IFT122: variants seen among roughly 807,000 people sequenced by gnomAD.
The protein encoded by IFT122 is intraflagellar transport protein 122 homolog.
Under a neutral mutation model 161.6 loss-of-function variants are expected in IFT122, and 118 were observed. The ratio of observed to expected loss-of-function variants is 0.73; its 90% CI spans 0.63 to 0.85. The LOEUF is 0.85. Among genes scored for constraint, IFT122 ranks in the 40% least tolerant of loss-of-function variants. The pLI, the probability that IFT122 is intolerant of heterozygous loss-of-function variation, is 0.00. For missense variants in IFT122, 1,381 were observed against 1,579.6 expected (o/e 0.87, Z 2.13); for synonymous variants, 550 against 602.4 (o/e 0.91, Z 1.27).
At chr3:129,464,822 A>T in intron 7 of IFT122, 41 bp downstream of exon 7, 1 of 1,609,986 alleles carries the variant, frequency 6.2e-7, no homozygotes, top group South Asian at 1.1e-5. Context: ...AAACACCATC[A>T]TGAAGAAGGG....
At chr3:129,468,644 G>A (rs756718708) in intron 8 of IFT122, among the ~76,000 whole-genome samples, 17 of 152,166 alleles carry the variant, frequency 1.1e-4, no homozygotes, top group Non-Finnish European at 2.5e-4. Context: ...ACGGGCTGCC[G>A]CTTTTCTCTT....
chr3:129,461,375 C>A, intron 5 of IFT122, 71 bp downstream of exon 5: 1 of 1,078,860 alleles, frequency 9.3e-7, no homozygotes, highest in Non-Finnish European at 1.4e-6. Context: ...AAAATGCATT[C>A]AGAATATGGT....
intron 23 of IFT122, among the ~76,000 whole-genome samples, chr3:129,508,807 G>A (rs1394135956): frequency 8.1e-6 from 1 of 123,604 alleles, no homozygotes; most frequent in Non-Finnish European, 1.5e-5. Flanking sequence ...GGTGAATATT[G>A]CGATGAGGCA....
At chr3:129,486,688 A>T (rs2079324153) in intron 15 of IFT122, among the ~76,000 whole-genome samples, 1 of 152,168 alleles carries the variant, frequency 6.6e-6, no homozygotes, top group East Asian at 1.9e-4. Flanking sequence ...GATGGTGAGG[A>T]GCTGGTGCTG....
intron 21 of IFT122, among the ~76,000 whole-genome samples, chr3:129,505,033 T>A (rs1474224491): frequency 6.6e-6 from 1 of 152,152 alleles, no homozygotes; most frequent in Non-Finnish European, 1.5e-5. Flanking sequence ...GAAATAGGAG[T>A]TAAAGCAAGT....
chr3:129,484,002 A>G (rs1035282783), intron 15 of IFT122: 3 of 420,880 alleles, frequency 7.1e-6, no homozygotes, highest in Non-Finnish European at 1.3e-5. Flanking sequence ...TGGAGTGAGC[A>G]GCAAAGCCGG....
At chr3:129,504,953 A>G (rs2082035412) in intron 21 of IFT122, among the ~76,000 whole-genome samples, 1 of 152,220 alleles carries the variant, frequency 6.6e-6, no homozygotes, top group African/African-American at 2.4e-5. Context: ...TGGCTCAGAT[A>G]AACGGGTGAC....
In IFT122 at chr3:129,520,456, T is replaced by C; in HGVS notation, c.*191T>C. ...ATGCCTTGTAAATAGCACCAGGAGA[T>C]GAGGAAGAGAATGTACATATATTTT... On this transcript the variant is annotated 3_prime_UTR_variant, in exon 30 of 30. Transcript: ENST00000348417. The C allele has an allele frequency of 3.1e-6, 2 of 652,634 alleles. No homozygotes were observed. The highest frequency in any genetic ancestry group is 2.7e-5 in the East Asian group (1 of 36,658). 40.4% of individuals were successfully genotyped at this position (652,634 alleles called of 1,614,324 possible). A position where few individuals can be genotyped will look rare whatever the true frequency, so the allele number is the denominator to read the frequency against.
intron 16 of IFT122, among the ~76,000 whole-genome samples, chr3:129,488,718 G>A (rs113757722): frequency 5.3e-5 from 8 of 152,142 alleles, no homozygotes; most frequent in South Asian, 2.1e-4. Flanking sequence ...GCTGTTCTCT[G>A]TGGGAAGCAC....
intron 20 of IFT122, 57 bp downstream of exon 20, chr3:129,502,939 C>A (rs915131522): frequency 1.3e-6 from 2 of 1,562,340 alleles, no homozygotes; most frequent in Admixed American, 3.4e-5. Flanking sequence ...GGGACACAGG[C>A]GGGTGGGTAC....
chr3:129,451,853 C>T, intron 2 of IFT122, 61 bp from the exon 3 acceptor site: 1 of 1,367,514 alleles, frequency 7.3e-7, no homozygotes, highest in Non-Finnish European at 1.0e-6. Context: ...CAGTAGCAAC[C>T]CTGCAGGAAT....
chr3:129,505,647 T>C (rs184948552), intron 21 of IFT122, among the ~76,000 whole-genome samples: 12 of 152,356 alleles, frequency 7.9e-5, no homozygotes, highest in Admixed American at 7.2e-4. Context: ...AGTGCTCTCA[T>C]ATGGCAAGTG....
Position 129,499,938 on chromosome 3 carries a change from A to T in IFT122, c.2245A>T (p.Met749Leu), listed in dbSNP as rs794727330. 8 of 1,614,136 alleles carry T rather than the reference A, an allele frequency of 5.0e-6. No individual in the cohort carries two copies. The highest frequency in any genetic ancestry group is 5.1e-6 in the Non-Finnish European group (6 of 1,180,044). ...ATCTGGAGACCCCAAAGAAACAAAG[A>T]TGCTAATCACCAAACAGGCTGACTG... is the stretch of plus-strand genomic sequence containing the variant. ...LGSGDPKETK[M>L]LITKQADWAR... is the part of the protein sequence containing the mutation. The change falls in exon 19 of 30, where the codon ATG (methionine) becomes TTG (leucine). Residue 749 changes from methionine (M) to leucine (L), a missense_variant. Met to Leu is a conservative substitution (Grantham distance 15, BLOSUM62 2). Around this residue, in one of 7 missense-constraint regions of IFT122, gnomAD observed 496 missense variants for 502.5 expected, o/e 0.99. Transcript: ENST00000348417.
intron 3 of IFT122, chr3:129,456,304 T>A: frequency 8.2e-7 from 1 of 1,218,018 alleles, no homozygotes; most frequent in South Asian, 1.4e-5. Flanking sequence ...TTTGCAGCAA[T>A]ATCATATGGC....
chr3:129,485,194 A>G (rs9824242), intron 15 of IFT122, among the ~76,000 whole-genome samples: 13,473 of 152,268 alleles, frequency 0.088, 1,488 homozygotes, highest in East Asian at 0.41. Flanking sequence ...GCGCCTTGGC[A>G]TAAATTCCTA....
At chr3:129,444,403 A>G (rs1382161290) in intron 1 of IFT122, among the ~76,000 whole-genome samples, 2 of 152,266 alleles carry the variant, frequency 1.3e-5, no homozygotes, top group South Asian at 4.1e-4. Context: ...CTCTGTGACT[A>G]GGAGCAAACA....
At chr3:129,462,493 G>T (rs552113622) in intron 5 of IFT122, among the ~76,000 whole-genome samples, 1 of 152,180 alleles carries the variant, frequency 6.6e-6, no homozygotes, top group South Asian at 2.1e-4. Context: ...CCAGGGCTTG[G>T]ACTTTAGACC....
chr3:129,469,780 G>C (rs781681195), intron 9 of IFT122, among the ~76,000 whole-genome samples: 1 of 152,044 alleles, frequency 6.6e-6, no homozygotes, highest in Non-Finnish European at 1.5e-5. Flanking sequence ...TCCTCTATTC[G>C]CTTTCTTTCA....
In IFT122 at chr3:129,451,988, T is replaced by C. The variant is rs373836204; in HGVS notation, c.183T>C (p.Tyr61=). The C allele has an allele frequency of 2.5e-6, 4 of 1,613,226 alleles. No homozygotes were observed. Among genetic ancestry groups the C allele is most frequent in the Non-Finnish European group, 1.7e-6 (2 of 1,179,154 alleles). ...GHKDTVYCVA[Y]AKDGKRFASG... ...AAGACACTGTGTACTGTGTGGCATATGCGAAGGATGGTAAAAGGCTGCTCT... is the reference window on the plus strand; with the variant it reads ...AAGACACTGTGTACTGTGTGGCATACGCGAAGGATGGTAAAAGGCTGCTCT... Residue 61 remains tyrosine (Y), a synonymous_variant, in exon 3 of 30, where the codon TAT becomes TAC. Transcript: ENST00000348417.
Sources: allele counts gnomAD v4.1 joint callset (sites outside exome capture counted in the v4.1 genomes callset), GRCh38; gene constraint gnomAD v4.1.1; regional missense constraint gnomAD v4.1.1; transcripts MANE v1.5; gene names NCBI Gene and HGNC (gene_info 2026-07-23, HGNC 2026-07-21).